RBMS3: variants seen among roughly 807,000 people sequenced by gnomAD.
RBMS3 encodes RNA-binding motif, single-stranded-interacting protein 3.
RBMS3 carries 27 observed loss-of-function variants against 66.8 expected under a neutral mutation model. The observed-to-expected ratio is 0.40, with a 90% CI of 0.30 to 0.56. The LOEUF (loss-of-function observed/expected upper bound fraction) is 0.56, where lower values mean the gene tolerates loss of function less well. Among genes scored for constraint, RBMS3 ranks in the 20% least tolerant of loss-of-function variants. The pLI, the probability that RBMS3 is intolerant of heterozygous loss-of-function variation, is 0.40. For missense variants in RBMS3, 513 were observed against 549.5 expected (o/e 0.93, Z 0.66); for synonymous variants, 188 against 183.0 (o/e 1.03, Z -0.22).
chr3:29,927,238 A>T (rs1282595621), intron 10 of RBMS3: 1 of 152,172 alleles, frequency 6.6e-6, no homozygotes, highest in Non-Finnish European at 1.5e-5. Flanking sequence ...TGGCCAGAGA[A>T]TGCTTCTGGT....
At chr3:29,519,496 T>G (rs1435003469) in intron 3 of RBMS3, among the ~76,000 whole-genome samples, 2 of 152,162 alleles carry the variant, frequency 1.3e-5, no homozygotes, top group African/African-American at 4.8e-5. Flanking sequence ...AACATTTTGC[T>G]TTTGAAAACA....
chr3:29,822,344 A>G (rs1017943679), intron 6 of RBMS3, among the ~76,000 whole-genome samples: 4 of 152,214 alleles, frequency 2.6e-5, no homozygotes, highest in Admixed American at 6.5e-5. Context: ...AAGTAGTCCA[A>G]AACATTCTTC....
At chr3:29,952,247 T>C (rs1168959457) in intron 12 of RBMS3, among the ~76,000 whole-genome samples, 1 of 151,854 alleles carries the variant, frequency 6.6e-6, no homozygotes, top group African/African-American at 2.4e-5. Context: ...TATATCTCTA[T>C]ATAGAATTGG....
At chr3:29,446,094 C>T (rs1487534223) in intron 2 of RBMS3, among the ~76,000 whole-genome samples, 2 of 152,140 alleles carry the variant, frequency 1.3e-5, no homozygotes, top group Admixed American at 1.3e-4. Flanking sequence ...AATTTAAAAT[C>T]ATCCTACTTA....
chr3:29,991,055 C>G, intron 13 of RBMS3, 27 bp from the exon 14 acceptor site: 1 of 1,610,254 alleles, frequency 6.2e-7, no homozygotes, highest in Non-Finnish European at 8.5e-7. Context: ...GCAAGTAAGG[C>G]TTTTATGTTC....
rs533032107 is a variant in RBMS3, at chr3:29,965,568, T to C, written c.1098+21314T>C. 2.6e-5 allele frequency among the ~76,000 whole-genome samples: 4 copies of C among 152,276 alleles called. No individual in the cohort carries two copies. In the East Asian group the frequency reaches 7.7e-4, roughly 29 times the overall value. On this transcript the variant is annotated intron_variant, in intron 12 of 14. Transcript: ENST00000383767. ...TTCACGTCCTTGGCCCACTTTTTGA[T>C]GGGATTGTTTGGTTTTTTCTTACTG... is the stretch of plus-strand genomic sequence containing the variant.
At chr3:29,396,548 G>A (rs2039559484) in intron 1 of RBMS3, among the ~76,000 whole-genome samples, 2 of 152,088 alleles carry the variant, frequency 1.3e-5, no homozygotes, top group Admixed American at 1.3e-4. Context: ...TCATACTGAA[G>A]TTATTAGGGA....
chr3:29,884,448 C>G (rs2059813495), intron 8 of RBMS3, among the ~76,000 whole-genome samples: 1 of 130,748 alleles, frequency 7.6e-6, no homozygotes, highest in Non-Finnish European at 1.6e-5. Flanking sequence ...CTCTCTCTCT[C>G]TCTCTCTCTC....
intron 3 of RBMS3, among the ~76,000 whole-genome samples, chr3:29,539,935 G>A (rs986349868): frequency 6.6e-6 from 1 of 152,048 alleles, no homozygotes; most frequent in Admixed American, 6.5e-5. Flanking sequence ...TTCTTGGTAG[G>A]TTTGCTCAAA....
intron 1 of RBMS3, among the ~76,000 whole-genome samples, chr3:29,418,653 T>C (rs979244762): frequency 7.2e-5 from 11 of 152,134 alleles, no homozygotes; most frequent in Non-Finnish European, 1.5e-4. Flanking sequence ...TAGTGTATAC[T>C]TTGAGAATCT....
At chr3:29,294,890 T>C (rs1418436021) in intron 1 of RBMS3, among the ~76,000 whole-genome samples, 1 of 151,714 alleles carries the variant, frequency 6.6e-6, no homozygotes, top group Non-Finnish European at 1.5e-5. Context: ...CATATACCTA[T>C]CCAAAGCAAT....
At chr3:29,466,520 G>T (rs955793933) in intron 2 of RBMS3, among the ~76,000 whole-genome samples, 1 of 151,890 alleles carries the variant, frequency 6.6e-6, no homozygotes, top group South Asian at 2.1e-4. Context: ...AAATAAAATT[G>T]CTCTTAATGA....
intron 3 of RBMS3, among the ~76,000 whole-genome samples, chr3:29,577,410 G>C (rs1005165087): frequency 1.3e-5 from 2 of 152,252 alleles, no homozygotes; most frequent in East Asian, 3.9e-4. Flanking sequence ...TGCCCCGGCT[G>C]GTGTCTCCCT....
intron 12 of RBMS3, among the ~76,000 whole-genome samples, chr3:29,953,849 T>G (rs1449295): frequency 0.03 from 4,629 of 152,006 alleles, 138 homozygotes; most frequent in East Asian, 0.17. Context: ...TGCTAAAAAA[T>G]GACTCTTTCT....
chr3:29,948,675 C>T (rs1337866416), intron 12 of RBMS3, among the ~76,000 whole-genome samples: 1 of 151,830 alleles, frequency 6.6e-6, no homozygotes, highest in Non-Finnish European at 1.5e-5. Flanking sequence ...CCACAAGCCA[C>T]ACGTGAAAAT....
intron 1 of RBMS3, among the ~76,000 whole-genome samples, chr3:29,390,064 C>T (rs1031590068): frequency 4.6e-5 from 7 of 152,232 alleles, no homozygotes; most frequent in Middle Eastern, 3.4e-3. Context: ...CTCTAAAAGA[C>T]CCCTCCTACA....
At chr3:29,326,675 T>C (rs56310805) in intron 1 of RBMS3, among the ~76,000 whole-genome samples, 6,038 of 152,052 alleles carry the variant, frequency 0.04, 150 homozygotes, top group South Asian at 0.069. Flanking sequence ...TGGTATAGAG[T>C]TTTGTGATTA....
At chr3:29,942,808 C>A (rs1239568732) in intron 11 of RBMS3, among the ~76,000 whole-genome samples, 1 of 130,928 alleles carries the variant, frequency 7.6e-6, no homozygotes, top group Non-Finnish European at 1.7e-5. Context: ...CAATAATTAA[C>A]TTTTTTTTTT....
intron 3 of RBMS3, among the ~76,000 whole-genome samples, chr3:29,561,998 G>A (rs1432984251): frequency 6.6e-6 from 1 of 152,010 alleles, no homozygotes; most frequent in Non-Finnish European, 1.5e-5. Context: ...GCATACATAT[G>A]AGAAACACAG....
Sources: gnomAD v4.1 joint callset for allele counts (sites outside exome capture counted in the v4.1 genomes callset) on GRCh38, gnomAD v4.1.1 for gene constraint, MANE v1.5 for transcripts, NCBI Gene and HGNC (gene_info 2026-07-23, HGNC 2026-07-21) for gene names.